The following PARP11 variants were observed in gnomAD, a reference collection of about 807,000 sequenced individuals.
PARP11 encodes poly(ADP-ribose) polymerase family member 11, also known as protein mono-ADP-ribosyltransferase PARP11.
A neutral mutation model predicts 42.9 loss-of-function variants in PARP11; 31 were observed. That is an observed-to-expected ratio of 0.72 (90% CI 0.54 to 0.98). The LOEUF is 0.98. Ranked by LOEUF, PARP11 falls within the 50% of genes least tolerant of loss-of-function variation. PARP11 has a pLI of 0.00. For missense variants in PARP11, 365 were observed against 413.1 expected, an observed-to-expected ratio of 0.88 and a Z score of 1.01; for synonymous variants, 137 against 127.3, an observed-to-expected ratio of 1.08 and a Z score of -0.51.
At position 3,828,967 on chromosome 12, in the gene PARP11, G is replaced by C; in HGVS notation, c.211C>G (p.Pro71Ala). The change falls in exon 3 of 8, where the codon CCT becomes GCT. Residue 71 changes from proline to alanine, a missense_variant. By Grantham distance (27) the Pro-to-Ala change is conservative. Coordinates refer to ENST00000228820, the MANE Select transcript of PARP11 (RefSeq NM_020367.6). ...GTAGTAAAAGAAATGGAGCCACAAG[G>C]GTTTGTTTTGAAGCTTTTTTCGATA... ...EDIEKSFKTN[P>A]CGSISFTTSK... 2 of 1,613,904 alleles carry C rather than the reference G, an allele frequency of 1.2e-6. No individual in the cohort carries two copies. Among genetic ancestry groups the C allele is most frequent in the Non-Finnish European group, 1.7e-6 (2 of 1,179,814 alleles).
In PARP11 at chr12:3,837,287, G is replaced by A. The variant is rs1473434474; in HGVS notation, c.19-7269C>T. On this transcript the variant is annotated intron_variant, in intron 1 of 7. Coordinates refer to ENST00000228820, the MANE Select transcript of PARP11 (RefSeq NM_020367.6). ...TACTAGAGCTGAGAAAAACCTGAGC[G>A]TAAGGCACCATCTAGTGCTTAAAAG... Among the ~76,000 whole-genome samples, 7 of 152,150 alleles carry A rather than the reference G, an allele frequency of 4.6e-5. No individual in the cohort carries two copies. The East Asian group carries it at 7.7e-4, about 17-fold the overall frequency.
chr12:3,839,105 T>TA (rs1947830015), intron 1 of PARP11, among the ~76,000 whole-genome samples: 1 of 151,550 alleles, frequency 6.6e-6, no homozygotes. Flanking sequence ...AGCCATGCAT[T>TA]AGGCAGGGCT....
At chr12:3,841,464 T>A in intron 1 of PARP11, 1 of 1,409,672 alleles carries the variant, frequency 7.1e-7, no homozygotes, top group Non-Finnish European at 1.0e-6. Flanking sequence ...GTACCTGTAC[T>A]GATGCCCACT....
rs140480988 is a variant in PARP11 at position 3,861,886 on chromosome 12, G to A, written c.18+11326C>T. 6.6e-5 allele frequency among the ~76,000 whole-genome samples: 10 copies of A among 152,154 alleles called. No homozygotes were observed. Among genetic ancestry groups the A allele is most frequent in the East Asian group, 3.9e-4 (2 of 5,148 alleles). ...AAAAATACAAAAAAATTAGCCAGGC[G>A]TGGTGGAGGGTGCCTATAGTCCCAG... is the stretch of plus-strand genomic sequence containing the variant. On this transcript the variant is annotated intron_variant, in intron 1 of 7. Coordinates refer to ENST00000228820, the MANE Select transcript of PARP11 (RefSeq NM_020367.6). The surrounding 1 kb of genome is among the most constrained non-coding windows in gnomAD (Gnocchi z 4.6).
chr12:3,868,202 T>C (rs1230595238), intron 1 of PARP11, among the ~76,000 whole-genome samples: 1 of 152,224 alleles, frequency 6.6e-6, no homozygotes, highest in African/African-American at 2.4e-5. Flanking sequence ...GGTTCACGAC[T>C]GTAATCCCAC....
intron 3 of PARP11, among the ~76,000 whole-genome samples, chr12:3,827,782 G>T (rs923016388): frequency 3.5e-4 from 53 of 152,222 alleles, no homozygotes; most frequent in African/African-American, 1.3e-3. Flanking sequence ...TCATCCAAGG[G>T]GATTTCCTAA....
At position 3,821,990 on chromosome 12, in the gene PARP11, T is replaced by C. The variant is rs754206396; in HGVS notation, c.431A>G (p.His144Arg). Residue 144 changes from histidine to arginine, a missense_variant, in exon 6 of 8, where the codon CAC (histidine) becomes CGC (arginine). His to Arg is a conservative substitution (Grantham distance 29). Transcript: ENST00000228820. ...TTCATTATATTCATGTGTTTGATTGTGCAGAGGAATAAGCTGGAAAAATAA... is the reference window on the plus strand; with the variant it reads ...TTCATTATATTCATGTGTTTGATTGCGCAGAGGAATAAGCTGGAAAAATAA... ...TQVPYQLIPL[H>R]NQTHEYNEVA... The C allele has an allele frequency of 6.2e-7, 1 of 1,608,242 alleles. No individual in the cohort carries two copies. The highest frequency in any genetic ancestry group is 8.5e-7 in the Non-Finnish European group (1 of 1,178,068).
chr12:3,867,183 T>C (rs1264400788), intron 1 of PARP11, among the ~76,000 whole-genome samples: 1 of 152,244 alleles, frequency 6.6e-6, no homozygotes, highest in African/African-American at 2.4e-5. Flanking sequence ...TACACTGTTA[T>C]GTTACTAAAA....
At chr12:3,850,977 T>C (rs1235499687) in intron 1 of PARP11, among the ~76,000 whole-genome samples, 20 of 152,216 alleles carry the variant, frequency 1.3e-4, no homozygotes, top group Admixed American at 1.2e-3. Context: ...TGTTCATGTA[T>C]TGAAAGGATA....
rs773356131 is a variant in PARP11, at chr12:3,812,358, T to C, written c.782A>G (p.His261Arg). Residue 261 changes from histidine to arginine, a missense_variant, in exon 8 of 8, where the codon CAT becomes CGT. Coordinates refer to ENST00000228820, the MANE Select transcript of PARP11 (RefSeq NM_020367.6). ...ATGCCGCTGTTGCAAGCTGACACCATGAATTTGGAATGTGTTCCCATGCTT... is the reference window on the plus strand; with the variant it reads ...ATGCCGCTGTTGCAAGCTGACACCACGAATTTGGAATGTGTTCCCATGCTT... ...DIKHGNTFQIHGVSLQQRHLF... is the reference protein window; with the variant it reads ...DIKHGNTFQIRGVSLQQRHLF... 8 of 1,614,190 alleles carry C rather than the reference T, an allele frequency of 5.0e-6. No individual in the cohort carries two copies. Among genetic ancestry groups the C allele is most frequent in the Non-Finnish European group, 6.8e-6 (8 of 1,180,010 alleles).
intron 2 of PARP11, among the ~76,000 whole-genome samples, 173 bp downstream of exon 2, chr12:3,829,717 G>T (rs1266535579): frequency 6.6e-6 from 1 of 152,126 alleles, no homozygotes; most frequent in Non-Finnish European, 1.5e-5. Flanking sequence ...GAAAACTTGG[G>T]GAAAAGAAAA....
At chr12:3,833,436 C>CA (rs1392780225) in intron 1 of PARP11, among the ~76,000 whole-genome samples, 1 of 151,722 alleles carries the variant, frequency 6.6e-6, no homozygotes, top group Non-Finnish European at 1.5e-5. Context: ...TCCATCTCTA[C>CA]AAAAAAATAA....
intron 6 of PARP11, chr12:3,815,118 G>C (rs908390503): frequency 5.5e-5 from 25 of 450,996 alleles, no homozygotes; most frequent in Non-Finnish European, 8.9e-5. Context: ...AGATACATGG[G>C]AGTCTGCAAA....
At chr12:3,816,982 A>G (rs910897618) in intron 6 of PARP11, among the ~76,000 whole-genome samples, 22 of 152,232 alleles carry the variant, frequency 1.4e-4, no homozygotes, top group Admixed American at 7.2e-4. Context: ...ACGAGGTCAG[A>G]AGATCCAGAC....
chr12:3,859,035 T>C (rs1447721103), intron 1 of PARP11, among the ~76,000 whole-genome samples: 1 of 145,122 alleles, frequency 6.9e-6, no homozygotes, highest in African/African-American at 2.6e-5. Context: ...AGGTGGGGGG[T>C]CACAGTGAGC....
chr12:3,838,222 A>T (rs964866231), intron 1 of PARP11, among the ~76,000 whole-genome samples: 1 of 151,822 alleles, frequency 6.6e-6, no homozygotes, highest in African/African-American at 2.4e-5. Context: ...AAAAGTCTCA[A>T]CAATTTCAAA....
rs1947194177 is a variant in PARP11 at position 3,812,222 on chromosome 12, A to G, written c.918T>C (p.Asn306=). ...TATCATCCACACAGCTGTCATATAA[A>G]TTCACATAGCTCCCGTCTTTGGAAG... ...RPPSKDGSYV[N]LYDSCVDDTW... is the part of the protein sequence containing the mutation. The change falls in exon 8 of 8, where the codon AAT becomes AAC. Residue 306 remains asparagine, a synonymous_variant. Transcript: ENST00000228820. The G allele has an allele frequency of 6.2e-7, 1 of 1,614,190 alleles. No homozygotes were observed. The highest frequency in any genetic ancestry group is 2.2e-5 in the East Asian group (1 of 44,886).
chr12:3,859,046 C>T (rs980933564), intron 1 of PARP11, among the ~76,000 whole-genome samples: 8 of 147,030 alleles, frequency 5.4e-5, no homozygotes, highest in African/African-American at 1.5e-4. Context: ...CACAGTGAGC[C>T]GAGATCATGT....
Position 3,811,874 on chromosome 12 carries a change from C to A in PARP11, c.*249G>T. 1 of 441,504 alleles carries A rather than the reference C, an allele frequency of 2.3e-6. No individual in the cohort carries two copies. The allele number at this position is 441,504 out of a possible 1,614,324, so 27.3% of individuals were successfully genotyped here. On this transcript the variant is annotated 3_prime_UTR_variant, in exon 8 of 8. Transcript: ENST00000228820. ...CAGCTGATTCCATTTTGAATGGTAT[C>A]TTTCACCCCTATGTGTTAAAACATC...
Sources: allele counts gnomAD v4.1 joint callset (sites outside exome capture counted in the v4.1 genomes callset), GRCh38; gene constraint gnomAD v4.1.1; non-coding constraint Gnocchi (gnomAD v3.1); transcripts MANE v1.5; gene names NCBI Gene and HGNC (gene_info 2026-07-23, HGNC 2026-07-21).